The following SGCZ variants were observed in gnomAD, a reference collection of about 807,000 sequenced individuals.
The protein encoded by SGCZ is sarcoglycan zeta, also known as zeta-sarcoglycan.
Under a neutral mutation model 41.3 loss-of-function variants are expected in SGCZ, and 40 were observed. That is an observed-to-expected ratio of 0.97 (90% CI 0.75 to 1.26). SGCZ has a LOEUF of 1.26. Ranked by LOEUF, SGCZ falls within the 50% of genes most tolerant of loss-of-function variation. The pLI is 0.00. For missense variants in SGCZ, 552 were observed against 369.8 expected (o/e 1.49, Z -4.04); for synonymous variants, 206 against 137.5 (o/e 1.50, Z -3.49).
At chr8:15,104,745 C>A (rs1436762489) in intron 1 of SGCZ, among the ~76,000 whole-genome samples, 1 of 152,068 alleles carries the variant, frequency 6.6e-6, no homozygotes, top group African/African-American at 2.4e-5. Context: ...TAGAAGTGTA[C>A]CCATGTTCCA....
At chr8:15,054,653 T>C (rs1468405337) in intron 1 of SGCZ, among the ~76,000 whole-genome samples, 1 of 152,070 alleles carries the variant, frequency 6.6e-6, no homozygotes, top group Non-Finnish European at 1.5e-5. Flanking sequence ...TTATTTATCT[T>C]CTTTAAGACT....
intron 1 of SGCZ, among the ~76,000 whole-genome samples, chr8:15,211,255 C>T (rs1032062400): frequency 4.1e-5 from 6 of 148,100 alleles, no homozygotes; most frequent in Admixed American, 3.4e-4. Context: ...CCTTGGCCAC[C>T]ACAAGTAACA....
chr8:14,890,067 A>G (rs548186977), intron 1 of SGCZ, among the ~76,000 whole-genome samples: 2 of 152,130 alleles, frequency 1.3e-5, no homozygotes, highest in South Asian at 4.2e-4. Context: ...AAATACAAAA[A>G]TTAGCCGGGC....
intron 3 of SGCZ, among the ~76,000 whole-genome samples, chr8:14,250,318 T>C (rs1272645253): frequency 1.3e-5 from 2 of 152,152 alleles, no homozygotes; most frequent in African/African-American, 4.8e-5. Context: ...AATCTATAAA[T>C]TAGAATGTTT....
At chr8:14,960,585 T>C (rs1218294773) in intron 1 of SGCZ, among the ~76,000 whole-genome samples, 1 of 152,084 alleles carries the variant, frequency 6.6e-6, no homozygotes, top group Non-Finnish European at 1.5e-5. Context: ...GCTACAATAG[T>C]CACTGTTCTG....
intron 1 of SGCZ, among the ~76,000 whole-genome samples, chr8:14,672,854 T>A (rs1808148637): frequency 6.6e-6 from 1 of 152,170 alleles, no homozygotes; most frequent in Non-Finnish European, 1.5e-5. Flanking sequence ...ATCAGTAATC[T>A]TTTTCTTATA....
chr8:14,679,924 C>T (rs1052245709), intron 1 of SGCZ, among the ~76,000 whole-genome samples: 2 of 151,940 alleles, frequency 1.3e-5, no homozygotes, highest in Non-Finnish European at 2.9e-5. Context: ...TACACACTTA[C>T]CATTGTGTTA....
intron 1 of SGCZ, among the ~76,000 whole-genome samples, chr8:14,863,085 C>T (rs1250817132): frequency 6.6e-6 from 1 of 152,046 alleles, no homozygotes; most frequent in Non-Finnish European, 1.5e-5. Flanking sequence ...TTATGTATCT[C>T]ACATATTTAA....
intron 2 of SGCZ, among the ~76,000 whole-genome samples, chr8:14,498,729 T>C (rs1033500986): frequency 3.3e-5 from 5 of 152,088 alleles, no homozygotes; most frequent in Admixed American, 3.3e-4. Flanking sequence ...TTTGTGTTAC[T>C]CATAAGTTCA....
At position 14,861,694 on chromosome 8, in the gene SGCZ, A is replaced by C. The variant is rs183911016; in HGVS notation, c.40-306768T>G. Among the ~76,000 whole-genome samples the C allele has an allele frequency of 2.0e-5, 3 of 152,182 alleles. No individual in the cohort carries two copies. The East Asian group carries it at 5.8e-4, about 30-fold the overall frequency. On this transcript the variant is annotated intron_variant, in intron 1 of 7. Coordinates refer to ENST00000382080, the MANE Select transcript of SGCZ (RefSeq NM_139167.4). ...TTTAATAGCAATTTTCTCCTGCTTGAACAAGTGGTCTTGCATTTTCATTTT... is the reference window on the plus strand; with the variant it reads ...TTTAATAGCAATTTTCTCCTGCTTGCACAAGTGGTCTTGCATTTTCATTTT...
chr8:14,145,723 A>C (rs568353548), intron 5 of SGCZ, among the ~76,000 whole-genome samples: 1 of 152,216 alleles, frequency 6.6e-6, no homozygotes, highest in Non-Finnish European at 1.5e-5. Context: ...AGGAATTCAG[A>C]ATGCTACCCA....
In SGCZ at chr8:15,203,630, G is replaced by A. The variant is rs1371559633; in HGVS notation, c.39+33955C>T. Reference sequence around the variant, plus strand: ...ATGTGGCATTCATATATATCACATGGTTATTATAGCAAGTGATAAAAAATT... The same window carrying A: ...ATGTGGCATTCATATATATCACATGATTATTATAGCAAGTGATAAAAAATT... On this transcript the variant is annotated intron_variant, in intron 1 of 7. Coordinates refer to ENST00000382080, the MANE Select transcript of SGCZ (RefSeq NM_139167.4). Among the ~76,000 whole-genome samples the A allele has an allele frequency of 3.3e-5, 5 of 152,254 alleles. No individual in the cohort carries two copies. In the South Asian group the frequency reaches 6.2e-4, roughly 19 times the overall value.
At chr8:14,546,611 A>T (rs1210337283) in intron 2 of SGCZ, among the ~76,000 whole-genome samples, 1 of 152,120 alleles carries the variant, frequency 6.6e-6, no homozygotes, top group African/African-American at 2.4e-5. Context: ...CACACTAACT[A>T]TGAGAGATTA....
In SGCZ at chr8:14,747,835, C is replaced by T. The variant is rs180720450; in HGVS notation, c.40-192909G>A. Among the ~76,000 whole-genome samples the T allele has an allele frequency of 6.0e-5, 9 of 150,442 alleles. No homozygotes were observed. The East Asian group carries it at 1.8e-3, about 30-fold the overall frequency. On this transcript the variant is annotated intron_variant, in intron 1 of 7. Coordinates refer to ENST00000382080, the MANE Select transcript of SGCZ (RefSeq NM_139167.4). The stretch of plus-strand genomic sequence containing the variant: ...TCAATCGATTCTCCTGCCTCAGTCT[C>T]CTTAGTAGCTGAGATTACAGGCACC...
intron 1 of SGCZ, among the ~76,000 whole-genome samples, chr8:14,938,432 T>G (rs372800278): frequency 4.6e-5 from 7 of 152,192 alleles, no homozygotes; most frequent in African/African-American, 1.7e-4. Flanking sequence ...ATGAAGACAT[T>G]TATGATGATT....
At chr8:15,045,684 C>T (rs1046425639) in intron 1 of SGCZ, among the ~76,000 whole-genome samples, 6 of 152,144 alleles carry the variant, frequency 3.9e-5, no homozygotes, top group South Asian at 2.1e-4. Flanking sequence ...TATGCATCCC[C>T]GTGTTCTGCT....
At chr8:15,178,802 G>GA (rs5889572) in intron 1 of SGCZ, among the ~76,000 whole-genome samples, 2 of 151,928 alleles carry the variant, frequency 1.3e-5, no homozygotes, top group Non-Finnish European at 2.9e-5. Flanking sequence ...TGCAGGGAAG[G>GA]AAAAAAACTA....
chr8:14,431,017 C>T (rs2117336053), intron 2 of SGCZ, among the ~76,000 whole-genome samples: 1 of 152,218 alleles, frequency 6.6e-6, no homozygotes, highest in African/African-American at 2.4e-5. Flanking sequence ...AGGAAAACTA[C>T]AAAACACTGC....
At chr8:14,750,125 T>C (rs1227448856) in intron 1 of SGCZ, among the ~76,000 whole-genome samples, 1 of 152,148 alleles carries the variant, frequency 6.6e-6, no homozygotes, top group African/African-American at 2.4e-5. Flanking sequence ...TAGTAAGTGG[T>C]TATATATGAA....
Sources: gnomAD v4.1 joint callset for allele counts (sites outside exome capture counted in the v4.1 genomes callset) on GRCh38, gnomAD v4.1.1 for gene constraint, MANE v1.5 for transcripts, NCBI Gene and HGNC (gene_info 2026-07-23, HGNC 2026-07-21) for gene names.